Variants in ANXA8 observed in about 807,000 individuals in gnomAD.
ANXA8 encodes the protein annexin A8.
Under a neutral mutation model 26.8 loss-of-function variants are expected in ANXA8, and 9 were observed. That is an observed-to-expected ratio of 0.34 (90% CI 0.20 to 0.59). The LOEUF (loss-of-function observed/expected upper bound fraction) is 0.59. Among genes scored for constraint, ANXA8 ranks in the 20% least tolerant of loss-of-function variants. The pLI, the probability that ANXA8 is intolerant of heterozygous loss-of-function variation, is 0.84. For missense variants in ANXA8, 83 were observed against 238.5 expected, an observed-to-expected ratio of 0.35 and a Z score of 4.29; for synonymous variants, 39 against 94.8, an observed-to-expected ratio of 0.41 and a Z score of 3.42.
the ANXA8 span, among the ~76,000 whole-genome samples, chr10:47,560,608 A>G: frequency 6.6e-6 from 1 of 151,940 alleles, no homozygotes; most frequent in Non-Finnish European, 1.5e-5. Flanking sequence ...GCACCGTGCC[A>G]GATTCCCCAT....
At chr10:47,636,383 A>T in the ANXA8 span, among the ~76,000 whole-genome samples, 2 of 143,194 alleles carry the variant, frequency 1.4e-5, no homozygotes, top group Non-Finnish European at 3.0e-5. Context: ...TGAAAAAGAA[A>T]ATCATGTTTC....
At chr10:47,772,168 G>A in the ANXA8 span, among the ~76,000 whole-genome samples, 1 of 151,700 alleles carries the variant, frequency 6.6e-6, no homozygotes. Flanking sequence ...CTTGGAATGG[G>A]GAGAAATGGT....
chr10:47,620,743 C>T, the ANXA8 span, among the ~76,000 whole-genome samples: 2 of 108,674 alleles, frequency 1.8e-5, 1 homozygote, highest in Non-Finnish European at 4.0e-5. Flanking sequence ...ATTATCCTAA[C>T]TGAGGTTAGG....
chr10:47,676,906 G>A, the ANXA8 span, among the ~76,000 whole-genome samples: 262 of 146,318 alleles, frequency 1.8e-3, 3 homozygotes, highest in African/African-American at 6.6e-3. Flanking sequence ...TCGACAGAGC[G>A]AGACTCAGTC....
chr10:47,622,205 C>T, the ANXA8 span, among the ~76,000 whole-genome samples: 9 of 112,580 alleles, frequency 8.0e-5, 3 homozygotes, highest in African/African-American at 3.1e-4. Context: ...ATGGTACATG[C>T]AAGAGACCCC....
At chr10:47,566,242 C>T in the ANXA8 span, among the ~76,000 whole-genome samples, 1 of 151,854 alleles carries the variant, frequency 6.6e-6, no homozygotes, top group Non-Finnish European at 1.5e-5. Context: ...CCGAAACACA[C>T]GTTTCTAAGC....
the ANXA8 span, among the ~76,000 whole-genome samples, chr10:47,954,111 T>C: frequency 6.6e-6 from 1 of 150,832 alleles, no homozygotes; most frequent in African/African-American, 2.5e-5. Flanking sequence ...TGCAACACTA[T>C]TCACAATAGC....
chr10:47,669,290 T>G, the ANXA8 span, among the ~76,000 whole-genome samples: 1 of 151,084 alleles, frequency 6.6e-6, no homozygotes, highest in African/African-American at 2.4e-5. Flanking sequence ...TGTTACCAGT[T>G]CCTGAGCCTT....
At position 47,478,573 on chromosome 10, in the gene ANXA8, C is replaced by CGCTG; in HGVS notation, c.163_166dup (p.Arg56ProfsTer19). ...CTTGAAGGACTTGGCGATCTGCTGC[C>CGCTG]GCTGCGTGTTGCTTCTCTTGGTGAG... On this transcript the variant is annotated frameshift_variant, in exon 3 of 12. Transcript: ENST00000585281. LOFTEE classifies it high-confidence loss of function. The CGCTG allele has an allele frequency of 9.0e-7, 1 of 1,117,272 alleles. No individual in the cohort carries two copies. Among genetic ancestry groups the CGCTG allele is most frequent in the African/African-American group, 2.1e-5 (1 of 47,222 alleles). 69.2% of individuals were successfully genotyped at this position (1,117,272 alleles called of 1,614,324 possible).
chr10:47,763,821 G>A, the ANXA8 span, among the ~76,000 whole-genome samples: 1 of 147,618 alleles, frequency 6.8e-6, no homozygotes, highest in East Asian at 2.1e-4. Context: ...GTGGGGGAGT[G>A]CGTGTTTTGG....
At chr10:47,552,909 A>G in the ANXA8 span, among the ~76,000 whole-genome samples, 1 of 151,868 alleles carries the variant, frequency 6.6e-6, no homozygotes, top group African/African-American at 2.4e-5. Flanking sequence ...GTGCCATGCA[A>G]TAAGGGCTAC....
At chr10:47,497,876 T>G in the ANXA8 span, among the ~76,000 whole-genome samples, 1 of 151,924 alleles carries the variant, frequency 6.6e-6, no homozygotes, top group Admixed American at 6.6e-5. Context: ...AAGGCAGAGG[T>G]TGCAGTGAGC....
the ANXA8 span, among the ~76,000 whole-genome samples, chr10:47,664,570 A>AAATAATAATAATAAT: frequency 7.3e-6 from 1 of 137,846 alleles, no homozygotes; most frequent in African/African-American, 2.6e-5. Context: ...CTCTGTCTCA[A>AAATAATAATAATAAT]AATAATAATA....
the ANXA8 span, among the ~76,000 whole-genome samples, chr10:47,975,885 C>T: frequency 2.2e-5 from 3 of 137,778 alleles, no homozygotes; most frequent in East Asian, 2.0e-4. Context: ...GACATTCTGT[C>T]CCCTGGTTAG....
rs1196566730 is a variant in ANXA8 at position 47,484,022 on chromosome 10, TGAG to T, written c.-92_-90del. ...ACTCCACACGTCTGGCTCCTGCAGC[TGAG>T]GAGTGAGCAGGCCGCTCACTTGGGT... On this transcript the variant is annotated 5_prime_UTR_variant, in exon 1 of 12. Coordinates refer to ENST00000585281, the MANE Select transcript of ANXA8 (RefSeq NM_001040084.3). 3.1e-5 allele frequency: 50 copies of T among 1,611,436 alleles called. No homozygotes were observed. The highest frequency in any genetic ancestry group is 4.1e-5 in the Non-Finnish European group (48 of 1,179,778).
upstream of ANXA8, among the ~76,000 whole-genome samples, chr10:47,486,180 G>T (rs1840042964): frequency 2.0e-5 from 3 of 151,582 alleles, no homozygotes; most frequent in Admixed American, 1.3e-4. Flanking sequence ...ACCAGATTCT[G>T]TAACCGTCCA....
chr10:47,962,649 CAG>C, the ANXA8 span, among the ~76,000 whole-genome samples: 2 of 150,778 alleles, frequency 1.3e-5, no homozygotes, highest in African/African-American at 4.9e-5. Context: ...CACACACTCA[CAG>C]AGACACACAC....
the ANXA8 span, chr10:47,706,276 A>C: frequency 1.6e-6 from 1 of 631,242 alleles, no homozygotes; most frequent in Non-Finnish European, 2.6e-6. Context: ...TTGACGATTC[A>C]ATTTGTTGAA....
the ANXA8 span, among the ~76,000 whole-genome samples, chr10:47,658,936 G>A: frequency 0.038 from 5,518 of 143,474 alleles, 450 homozygotes; most frequent in African/African-American, 0.15. Context: ...CAGTGGCATG[G>A]TCTCGGCTCA....
Sources: gnomAD v4.1 joint callset for allele counts (sites outside exome capture counted in the v4.1 genomes callset) on GRCh38, gnomAD v4.1.1 for gene constraint, MANE v1.5 for transcripts, NCBI Gene and HGNC (gene_info 2026-07-23, HGNC 2026-07-21) for gene names.